ANGPTL1: variants seen among roughly 807,000 people sequenced by gnomAD.
ANGPTL1 encodes the protein angiopoietin like 1.
In ANGPTL1, 36 loss-of-function variants were observed where a neutral mutation model predicts 46.7. That is an observed-to-expected ratio of 0.77 (90% confidence interval 0.59 to 1.02). ANGPTL1 has a LOEUF of 1.02. Among genes scored for constraint, ANGPTL1 ranks in the 50% least tolerant of loss-of-function variants. The pLI, the probability that ANGPTL1 is intolerant of heterozygous loss-of-function variation, is 0.00. For missense variants in ANGPTL1, 571 were observed against 594.7 expected (o/e 0.96, Z 0.41); for synonymous variants, 221 against 204.3 (o/e 1.08, Z -0.69).
At position 178,850,804 on chromosome 1, in the gene ANGPTL1, A is replaced by G. The variant is rs570092007; in HGVS notation, c.*325T>C. On this transcript the variant is annotated 3_prime_UTR_variant, in exon 6 of 6. Transcript: ENST00000234816. ...TTAGATTTTAAATAAATTGTTAAGT[A>G]TCTTGAACATGTTATTTATGATTTA... 16 of 180,188 alleles carry G rather than the reference A, an allele frequency of 8.9e-5. No individual in the cohort carries two copies. In the East Asian group the frequency reaches 2.2e-3, roughly 25 times the overall value. The allele number at this position is 180,188 out of a possible 1,614,324, so 11.2% of individuals were successfully genotyped here.
chr1:178,870,598 T>TAA (rs1028737495), intron 1 of ANGPTL1, 143 bp downstream of exon 1: 7 of 152,174 alleles, frequency 4.6e-5, no homozygotes, highest in Admixed American at 3.9e-4. Flanking sequence ...AGTTGCAAGA[T>TAA]AAAACCTTTT....
At chr1:178,868,149 C>A (rs529639042) in intron 2 of ANGPTL1, among the ~76,000 whole-genome samples, 364 of 151,860 alleles carry the variant, frequency 2.4e-3, no homozygotes, top group African/African-American at 8.4e-3. Context: ...TGCTTTCTGA[C>A]ATATATAGAA....
rs562515252 is a variant in ANGPTL1, at chr1:178,854,390, C to A, written c.824-603G>T. Among the ~76,000 whole-genome samples the A allele has an allele frequency of 2.0e-4, 30 of 152,148 alleles. 1 individual carries two copies. The South Asian group carries it at 6.2e-3, about 32-fold the overall frequency. ...GTCAGTCAAATAAGTTTTAGAAATG[C>A]AAAATATTATGTTTCCCTTTTGGAA... On this transcript the variant is annotated intron_variant, in intron 3 of 5. Transcript: ENST00000234816.
intron 3 of ANGPTL1, among the ~76,000 whole-genome samples, chr1:178,857,249 G>A (rs1375124983): frequency 6.6e-6 from 1 of 152,158 alleles, no homozygotes; most frequent in Non-Finnish European, 1.5e-5. Flanking sequence ...CTTTCAGTAT[G>A]TATCCACAGT....
Position 178,852,682 on chromosome 1 carries a change from C to T in ANGPTL1, c.1288+1G>A. On this transcript the variant is annotated splice_donor_variant, in intron 5 of 5. Coordinates refer to ENST00000234816, the MANE Select transcript of ANGPTL1 (RefSeq NM_004673.4). LOFTEE classifies it high-confidence loss of function. ...AAAGAATGAAAGTTTTTCATACTTA[C>T]CTGCATACATATCTTTATCTCTGTC... The T allele has an allele frequency of 5.0e-6, 8 of 1,610,114 alleles. No individual in the cohort carries two copies. The highest frequency in any genetic ancestry group is 6.8e-6 in the Non-Finnish European group (8 of 1,178,026).
At chr1:178,863,620 CA>C (rs1373584373) in intron 3 of ANGPTL1, among the ~76,000 whole-genome samples, 1 of 152,126 alleles carries the variant, frequency 6.6e-6, no homozygotes, top group African/African-American at 2.4e-5. Context: ...TATCCAAATG[CA>C]AACGTCTAGC....
At chr1:178,863,677 C>T (rs1658184760) in intron 3 of ANGPTL1, among the ~76,000 whole-genome samples, 1 of 151,464 alleles carries the variant, frequency 6.6e-6, no homozygotes, top group South Asian at 2.1e-4. Flanking sequence ...ATCATCTGAG[C>T]AGTGGTGATA....
intron 3 of ANGPTL1, among the ~76,000 whole-genome samples, chr1:178,862,054 G>A (rs941478052): frequency 6.6e-6 from 1 of 151,998 alleles, no homozygotes; most frequent in Non-Finnish European, 1.5e-5. Context: ...TGTATTTTTA[G>A]TAGAGACGGG....
At chr1:178,859,548 C>T (rs1395260407) in intron 3 of ANGPTL1, among the ~76,000 whole-genome samples, 1 of 149,972 alleles carries the variant, frequency 6.7e-6, no homozygotes, top group African/African-American at 2.4e-5. Context: ...GGATTACAGG[C>T]GCCCGCCACT....
intron 3 of ANGPTL1, among the ~76,000 whole-genome samples, chr1:178,862,487 A>G (rs1658095481): frequency 6.6e-6 from 1 of 152,182 alleles, no homozygotes; most frequent in Admixed American, 6.5e-5. Flanking sequence ...GAGGGACTAT[A>G]CAAAATGTCT....
chr1:178,851,510 C>CT (rs141735334), intron 5 of ANGPTL1, among the ~76,000 whole-genome samples, 194 bp from the exon 6 acceptor site: 6,046 of 152,010 alleles, frequency 0.04, 160 homozygotes, highest in African/African-American at 0.068. Flanking sequence ...CTTGAATTGC[C>CT]TTTTTTTAAC....
chr1:178,853,029 C>G (rs1293333091), intron 4 of ANGPTL1, 76 bp from the exon 5 acceptor site: 2 of 1,510,954 alleles, frequency 1.3e-6, no homozygotes, highest in Non-Finnish European at 1.8e-6. Context: ...CAGTGTTAAA[C>G]ATTCGATAGC....
chr1:178,865,787 G>A lies in ANGPTL1; in HGVS notation c.-11C>T, dbSNP rs575220046. The A allele has an allele frequency of 6.5e-7, 1 of 1,548,262 alleles. No homozygotes were observed. The highest frequency in any genetic ancestry group is 2.3e-5 in the East Asian group (1 of 44,382). On this transcript the variant is annotated 5_prime_UTR_variant, in exon 3 of 6. Coordinates refer to ENST00000234816, the MANE Select transcript of ANGPTL1 (RefSeq NM_004673.4). Reference sequence around the variant, plus strand: ...GGTAAAAGTCTTCATTTTGAAATGAGGTTGTAAAATGATGTCTTTTGAAAA... The same window carrying A: ...GGTAAAAGTCTTCATTTTGAAATGAAGTTGTAAAATGATGTCTTTTGAAAA...
chr1:178,863,186 G>T (rs1286109203), intron 3 of ANGPTL1, among the ~76,000 whole-genome samples: 5 of 152,098 alleles, frequency 3.3e-5, no homozygotes, highest in Non-Finnish European at 7.4e-5. Context: ...TAGAAATGAG[G>T]GACATGCACA....
At chr1:178,868,207 A>G (rs1017469401) in intron 2 of ANGPTL1, among the ~76,000 whole-genome samples, 3 of 151,940 alleles carry the variant, frequency 2.0e-5, no homozygotes, top group Admixed American at 6.6e-5. Context: ...GACTTTTACT[A>G]TGTAGGAGTT....
intron 3 of ANGPTL1, among the ~76,000 whole-genome samples, chr1:178,856,202 GATATATATATATATATATAT>G (rs55797277): frequency 1.2e-5 from 1 of 83,912 alleles, no homozygotes; most frequent in African/African-American, 6.4e-5. Flanking sequence ...GAGAGAGAGA[GATATATATATATATATATAT>G]ATATATATAT....
intron 5 of ANGPTL1, 121 bp downstream of exon 5, chr1:178,852,561 TC>T: frequency 2.0e-6 from 2 of 1,006,500 alleles, no homozygotes; most frequent in South Asian, 2.1e-5. Context: ...TGGTTGTATT[TC>T]CTGCCACAGT....
intron 3 of ANGPTL1, among the ~76,000 whole-genome samples, chr1:178,860,165 C>T (rs764639057): frequency 1.1e-4 from 16 of 151,434 alleles, no homozygotes; most frequent in South Asian, 1.0e-3. Context: ...TTTATAAATA[C>T]GCTATTTGTA....
intron 4 of ANGPTL1, 39 bp from the exon 5 acceptor site, chr1:178,852,992 A>G: frequency 1.9e-6 from 3 of 1,559,504 alleles, no homozygotes; most frequent in Non-Finnish European, 2.6e-6. Context: ...ATAAATAAGT[A>G]TAGAGATAGT....
Sources: gnomAD v4.1 joint callset for allele counts (sites outside exome capture counted in the v4.1 genomes callset) on GRCh38, gnomAD v4.1.1 for gene constraint, MANE v1.5 for transcripts, NCBI Gene and HGNC (gene_info 2026-07-23, HGNC 2026-07-21) for gene names.